SGSM1: variants seen among roughly 807,000 people sequenced by gnomAD.
SGSM1 encodes the protein RUN and TBC1 domain containing 2.
Under a neutral mutation model 133.8 loss-of-function variants are expected in SGSM1, and 73 were observed. The observed-to-expected ratio is 0.55, with a 90% CI of 0.45 to 0.66. SGSM1 has a LOEUF of 0.66. Ranked by LOEUF, SGSM1 falls within the 30% of genes least tolerant of loss-of-function variation. The pLI, the probability that SGSM1 is intolerant of heterozygous loss-of-function variation, is 0.00. For synonymous variants in SGSM1, 563 were observed against 573.0 expected, an observed-to-expected ratio of 0.98 and a Z score of 0.25; for missense variants, 1,213 against 1,448.1, an observed-to-expected ratio of 0.84 and a Z score of 2.64.
intron 2 of SGSM1, among the ~76,000 whole-genome samples, chr22:24,818,495 G>A (rs1478867101): frequency 2.6e-5 from 4 of 151,498 alleles, no homozygotes; most frequent in Non-Finnish European, 4.4e-5. Flanking sequence ...AGCCTCCTGA[G>A]TAGCTGGGAC....
rs149984596 is a variant in SGSM1 at position 24,898,888 on chromosome 22, G to A, written c.2610+329G>A. Among the ~76,000 whole-genome samples the A allele has an allele frequency of 8.6e-3, 1,308 of 151,988 alleles. 11 individuals carry two copies. Among genetic ancestry groups the A allele is most frequent in the African/African-American group, 0.029 (1,220 of 41,462 alleles). ...TAAAAGTACAAAAAATTAGCCGGGCGTGGTGGCAGGCACCTGTAGTACCAG... is the reference window on the plus strand; with the variant it reads ...TAAAAGTACAAAAAATTAGCCGGGCATGGTGGCAGGCACCTGTAGTACCAG... On this transcript the variant is annotated intron_variant, in intron 19 of 24. Transcript: ENST00000400358.
chr22:24,901,741 T>TAGG (rs1933166864), intron 19 of SGSM1, 92 bp from the exon 20 acceptor site: 2 of 1,402,118 alleles, frequency 1.4e-6, no homozygotes, highest in African/African-American at 2.9e-5. Flanking sequence ...AGGAGAGGGT[T>TAGG]AGGAAGAGGA....
chr22:24,848,113 C>T (rs984256245), intron 4 of SGSM1, among the ~76,000 whole-genome samples: 1 of 151,868 alleles, frequency 6.6e-6, no homozygotes, highest in Non-Finnish European at 1.5e-5. Context: ...GGTTGGCCAT[C>T]TATAGTTATT....
chr22:24,896,637 T>TG (rs912464016), intron 18 of SGSM1, among the ~76,000 whole-genome samples: 26 of 152,048 alleles, frequency 1.7e-4, no homozygotes, highest in African/African-American at 6.3e-4. Flanking sequence ...GTTTTTTTTT[T>TG]TTTGCCTTTT....
rs1454865636 is a variant in SGSM1 at position 24,868,741 on chromosome 22, C to G, written c.1177C>G (p.Leu393Val). 1.2e-6 allele frequency: 2 copies of G among 1,613,872 alleles called. No individual in the cohort carries two copies. Among genetic ancestry groups the G allele is most frequent in the Admixed American group, 3.3e-5 (2 of 59,992 alleles). Residue 393 changes from leucine to valine, a missense_variant, in exon 12 of 25, where the codon CTG becomes GTG. Coordinates refer to ENST00000400358, the MANE Select transcript of SGSM1 (RefSeq NM_001098497.3). ...QRGKGKVFPK[L>V]RKRSPQGSAE... ...TTTGCAGGGCAAAGTGTTTCCTAAACTGCGCAAGCGAAGCCCTCAGGGTTC... is the reference window on the plus strand; with the variant it reads ...TTTGCAGGGCAAAGTGTTTCCTAAAGTGCGCAAGCGAAGCCCTCAGGGTTC...
intron 17 of SGSM1, among the ~76,000 whole-genome samples, chr22:24,894,270 G>A (rs887206601): frequency 6.6e-6 from 1 of 152,220 alleles, no homozygotes; most frequent in East Asian, 1.9e-4. Context: ...CTGAGCGCCT[G>A]TAATCCCAGC....
chr22:24,859,940 G>A, intron 9 of SGSM1, 100 bp downstream of exon 9: 1 of 1,504,684 alleles, frequency 6.6e-7, no homozygotes, highest in South Asian at 1.2e-5. Flanking sequence ...TCCCGCCCCT[G>A]CTTCTGCCCC....
chr22:24,867,052 A>T, intron 9 of SGSM1, 41 bp from the exon 10 acceptor site: 3 of 1,600,572 alleles, frequency 1.9e-6, no homozygotes, highest in Non-Finnish European at 1.7e-6. Context: ...ACAGTGGGGT[A>T]GGCAGAAGTC....
intron 15 of SGSM1, among the ~76,000 whole-genome samples, chr22:24,885,289 A>G (rs16979156): frequency 0.019 from 2,895 of 152,206 alleles, 51 homozygotes; most frequent in East Asian, 0.088. Context: ...AATATTTTCA[A>G]ATAAGCATAA....
In SGSM1 at chr22:24,868,734, T is replaced by C. The variant is rs1348033182; in HGVS notation, c.1170T>C (p.Phe390=). 2 of 1,613,956 alleles carry C rather than the reference T, an allele frequency of 1.2e-6. No individual in the cohort carries two copies. The highest frequency in any genetic ancestry group is 2.2e-5 in the East Asian group (1 of 44,880). ...ACATGTTTTTGCAGGGCAAAGTGTT[T>C]CCTAAACTGCGCAAGCGAAGCCCTC... ...LWSQRGKGKV[F]PKLRKRSPQG... Residue 390 remains phenylalanine, a synonymous_variant, in exon 12 of 25, where the codon TTT becomes TTC. Coordinates refer to ENST00000400358, the MANE Select transcript of SGSM1 (RefSeq NM_001098497.3).
At position 24,809,596 on chromosome 22, in the gene SGSM1, A is replaced by AG. The variant is rs534465952; in HGVS notation, c.63+3113dup. On this transcript the variant is annotated intron_variant, in intron 2 of 24. Transcript: ENST00000400358. ...ACAGCACCCATGAGGCAGGTCAAGA[A>AG]GAACTTTGGGCTCAACTAGAGCTGG... is the stretch of plus-strand genomic sequence containing the variant. 3.6e-3 allele frequency among the ~76,000 whole-genome samples: 551 copies of AG among 152,296 alleles called. 2 individuals carry two copies. Among genetic ancestry groups the AG allele is most frequent in the African/African-American group, 0.013 (526 of 41,576 alleles).
rs139373155 is a variant in SGSM1 at position 24,843,878 on chromosome 22, A to G, written c.64-1019A>G. 2.0e-3 allele frequency: 302 copies of G among 152,318 alleles called. 1 individual carries two copies. Among genetic ancestry groups the G allele is most frequent in the African/African-American group, 6.7e-3 (279 of 41,560 alleles). The allele number at this position is 152,318 out of a possible 1,614,324, so 9.4% of individuals were successfully genotyped here. On this transcript the variant is annotated intron_variant, in intron 2 of 24. Coordinates refer to ENST00000400358, the MANE Select transcript of SGSM1 (RefSeq NM_001098497.3). ...TGTCTCGAGCTGGAACCTGTCTCTG[A>G]TAGCCAGCTCTGCCTCCCTGGGTAA...
intron 19 of SGSM1, among the ~76,000 whole-genome samples, chr22:24,899,944 T>C (rs1304319404): frequency 6.6e-6 from 1 of 152,168 alleles, no homozygotes; most frequent in Non-Finnish European, 1.5e-5. Flanking sequence ...CTATCTCTAG[T>C]GTTTAATATA....
At chr22:24,825,340 T>G (rs1928736412) in intron 2 of SGSM1, among the ~76,000 whole-genome samples, 1 of 152,174 alleles carries the variant, frequency 6.6e-6, no homozygotes, top group African/African-American at 2.4e-5. Flanking sequence ...TGCCTTCTGC[T>G]CCTTCCCATT....
chr22:24,846,370 A>G (rs1333913738), intron 3 of SGSM1, among the ~76,000 whole-genome samples: 1 of 152,058 alleles, frequency 6.6e-6, no homozygotes, highest in African/African-American at 2.4e-5. Context: ...ACATACACAC[A>G]TGCACATAAT....
chr22:24,877,401 T>C (rs570119110), intron 13 of SGSM1, among the ~76,000 whole-genome samples: 13 of 152,158 alleles, frequency 8.5e-5, no homozygotes, highest in Non-Finnish European at 1.5e-4. Context: ...TGTTTTATTA[T>C]ATAAAGTTAA....
Position 24,917,346 on chromosome 22 carries a change from C to T in SGSM1, c.2929-312C>T, listed in dbSNP as rs185685116. Among the ~76,000 whole-genome samples the T allele has an allele frequency of 1.8e-4, 27 of 152,322 alleles. No individual in the cohort carries two copies. In the East Asian group the frequency reaches 2.9e-3, roughly 16 times the overall value. On this transcript the variant is annotated intron_variant, in intron 22 of 24. Transcript: ENST00000400358. ...GGGGGTTCCAGTTTCTCTGCATCCT[C>T]GCCAACACTTTTTATTGTCTGTCAT... is the stretch of plus-strand genomic sequence containing the variant.
intron 2 of SGSM1, among the ~76,000 whole-genome samples, chr22:24,819,653 T>A (rs1334831081): frequency 6.6e-6 from 1 of 152,164 alleles, no homozygotes; most frequent in African/African-American, 2.4e-5. Context: ...ATTATCCCAT[T>A]TTACAGATAA....
chr22:24,813,552 C>G (rs1927875369), intron 2 of SGSM1: 1 of 152,232 alleles, frequency 6.6e-6, no homozygotes. Context: ...TTTTGGGGCT[C>G]TCCGATGCTG....
Sources: allele counts gnomAD v4.1 joint callset (sites outside exome capture counted in the v4.1 genomes callset), GRCh38; gene constraint gnomAD v4.1.1; transcripts MANE v1.5; gene names NCBI Gene and HGNC (gene_info 2026-07-23, HGNC 2026-07-21).